The following CUBN variants were observed in gnomAD, a reference collection of about 807,000 sequenced individuals.
The protein encoded by CUBN is 460 kDa receptor.
A neutral mutation model predicts 405.3 loss-of-function variants in CUBN; 282 were observed. That is an observed-to-expected ratio of 0.70 (90% confidence interval 0.63 to 0.77). The LOEUF (loss-of-function observed/expected upper bound fraction) is 0.77. Ranked by LOEUF, CUBN falls within the 30% of genes least tolerant of loss-of-function variation. The pLI is 0.00. For synonymous variants in CUBN, 1,684 were observed against 1,617.0 expected, an observed-to-expected ratio of 1.04 and a Z score of -0.99; for missense variants, 4,514 against 4,475.2, an observed-to-expected ratio of 1.01 and a Z score of -0.25.
At chr10:17,116,996 A>G (rs1423252554) in intron 6 of CUBN, among the ~76,000 whole-genome samples, 5 of 152,186 alleles carry the variant, frequency 3.3e-5, no homozygotes, top group Admixed American at 3.3e-4. Flanking sequence ...TATTTACATA[A>G]AAGCTGATTC....
intron 48 of CUBN, among the ~76,000 whole-genome samples, chr10:16,908,688 G>C (rs1311795250): frequency 1.3e-5 from 2 of 152,050 alleles, no homozygotes; most frequent in Non-Finnish European, 2.9e-5. Context: ...GAATTTGCAT[G>C]ACTGGTTTTC....
At chr10:16,898,958 A>G (rs373151145) in intron 54 of CUBN, 38 bp downstream of exon 54, 52 of 1,498,134 alleles carry the variant, frequency 3.5e-5, no homozygotes, top group African/African-American at 2.6e-4. Context: ...TGTTCACAAA[A>G]CCAACTTGGC....
chr10:16,841,192 T>G (rs1839337653), intron 60 of CUBN, 145 bp from the exon 61 acceptor site: 1 of 694,122 alleles, frequency 1.4e-6, no homozygotes, highest in Non-Finnish European at 2.5e-6. Context: ...AGGAACAGAA[T>G]TATAATTGGA....
intron 31 of CUBN, among the ~76,000 whole-genome samples, chr10:16,977,796 G>A (rs181868672): frequency 1.7e-4 from 26 of 152,240 alleles, no homozygotes; most frequent in Non-Finnish European, 2.5e-4. Flanking sequence ...CACTCTCCCC[G>A]GCTCCTGCAC....
intron 17 of CUBN, among the ~76,000 whole-genome samples, chr10:17,077,809 T>C (rs1417967661): frequency 2.0e-5 from 3 of 152,212 alleles, no homozygotes; most frequent in Admixed American, 2.0e-4. Flanking sequence ...AGAAGCCATT[T>C]AGGATCTCAA....
chr10:17,053,994 T>C (rs1195445340), intron 22 of CUBN, among the ~76,000 whole-genome samples: 2 of 152,182 alleles, frequency 1.3e-5, no homozygotes, highest in South Asian at 2.1e-4. Context: ...CACAAGATAA[T>C]TGGAAAATAT....
intron 14 of CUBN, among the ~76,000 whole-genome samples, chr10:17,096,082 A>C (rs1836368039): frequency 6.6e-6 from 1 of 152,112 alleles, no homozygotes; most frequent in Non-Finnish European, 1.5e-5. Flanking sequence ...ATCTAAAAAA[A>C]GTTAAACTCA....
chr10:16,915,930 G>T lies in CUBN; in HGVS notation c.7101C>A (p.Leu2367=). ...TGAGATAGTGTCCAGAGAGCCCCTGGAGATGCCACTCACAGAATAAGTTGT... is the reference window on the plus strand; with the variant it reads ...TGAGATAGTGTCCAGAGAGCCCCTGTAGATGCCACTCACAGAATAAGTTGT... ...YRDNLFCEWH[L]QGLSGHYLTI... Residue 2367 remains leucine, a synonymous_variant, in exon 46 of 67, where the codon CTC becomes CTA. Coordinates refer to ENST00000377833, the MANE Select transcript of CUBN (RefSeq NM_001081.4). The T allele has an allele frequency of 1.2e-6, 2 of 1,614,142 alleles. No homozygotes were observed. The highest frequency in any genetic ancestry group is 1.7e-6 in the Non-Finnish European group (2 of 1,180,004).
chr10:16,856,669 G>A (rs1469682182), intron 59 of CUBN, among the ~76,000 whole-genome samples: 5 of 151,988 alleles, frequency 3.3e-5, no homozygotes, highest in South Asian at 2.1e-4. Context: ...CATTCTATAC[G>A]GCTGACATTT....
intron 7 of CUBN, among the ~76,000 whole-genome samples, chr10:17,115,078 T>C (rs1836860751): frequency 6.6e-6 from 1 of 151,938 alleles, no homozygotes; most frequent in African/African-American, 2.4e-5. Flanking sequence ...ACCCCGTCTC[T>C]ACTAAAAATA....
chr10:16,921,066 T>A (rs7906618), intron 43 of CUBN, among the ~76,000 whole-genome samples: 44,041 of 151,914 alleles, frequency 0.29, 6,713 homozygotes, highest in Non-Finnish European at 0.33. Flanking sequence ...CATTCATTCA[T>A]GGAAATTGAT....
chr10:16,851,619 C>T (rs558864101), intron 59 of CUBN, among the ~76,000 whole-genome samples, 176 bp from the exon 60 acceptor site: 6 of 149,964 alleles, frequency 4.0e-5, no homozygotes, highest in African/African-American at 1.5e-4. Context: ...TTTCTTTCTT[C>T]CTTCCCCCCA....
rs35736503 is a variant in CUBN, at chr10:16,908,872, C to CTT, written c.7534-1195_7534-1194dup. Among the ~76,000 whole-genome samples, 1,023 of 115,358 alleles carry CTT rather than the reference C, an allele frequency of 8.9e-3. 19 individuals carry two copies. Among genetic ancestry groups the CTT allele is most frequent in the South Asian group, 0.013 (44 of 3,458 alleles). 75.7% of individuals were successfully genotyped at this position (115,358 alleles called of 152,430 possible). A position where few individuals can be genotyped will look rare whatever the true frequency, so the allele number is the denominator to read the frequency against. ...CACTCCACAACAAAAGATGTCATCTCTTTTTTTTTTTTTTTTTTTTTGAGA... is the reference window on the plus strand; with the variant it reads ...CACTCCACAACAAAAGATGTCATCTCTTTTTTTTTTTTTTTTTTTTTTTGAGA... On this transcript the variant is annotated intron_variant, in intron 48 of 66. Coordinates refer to ENST00000377833, the MANE Select transcript of CUBN (RefSeq NM_001081.4).
intron 22 of CUBN, among the ~76,000 whole-genome samples, chr10:17,060,492 T>G (rs886343480): frequency 6.6e-6 from 1 of 152,214 alleles, no homozygotes; most frequent in African/African-American, 2.4e-5. Context: ...CAGAATATCA[T>G]GATTAAGCAT....
chr10:17,095,501 A>G (rs10795443), intron 14 of CUBN, among the ~76,000 whole-genome samples: 93,695 of 151,914 alleles, frequency 0.62, 30,219 homozygotes, highest in Non-Finnish European at 0.73. Flanking sequence ...ATATATGAGA[A>G]AATGCTCAAC....
intron 56 of CUBN, among the ~76,000 whole-genome samples, chr10:16,884,423 G>A (rs1191509619): frequency 6.6e-6 from 1 of 151,166 alleles, no homozygotes; most frequent in East Asian, 1.9e-4. Context: ...AGGGCTTCTA[G>A]TTGGCCACAT....
At chr10:17,053,733 CAGAG>C (rs1345338909) in intron 22 of CUBN, among the ~76,000 whole-genome samples, 1 of 152,098 alleles carries the variant, frequency 6.6e-6, no homozygotes, top group Admixed American at 6.6e-5. Context: ...AGCCAATTGA[CAGAG>C]AGCACTACAC....
intron 6 of CUBN, among the ~76,000 whole-genome samples, chr10:17,120,837 C>G (rs1427801396): frequency 6.6e-6 from 1 of 152,122 alleles, no homozygotes; most frequent in African/African-American, 2.4e-5. Flanking sequence ...CCACAAGACT[C>G]CAAAAGACAG....
Position 16,913,992 on chromosome 10 carries a change from T to G in CUBN, c.7352A>C (p.Glu2451Ala), listed in dbSNP as rs570365029. The G allele has an allele frequency of 6.2e-7, 1 of 1,613,854 alleles. No homozygotes were observed. Among genetic ancestry groups the G allele is most frequent in the Admixed American group, 1.7e-5 (1 of 60,008 alleles). Reference protein sequence around the residue: ...FRLRFESSMEECGGDLQGSIG... With the variant: ...FRLRFESSMEACGGDLQGSIG... ...AGAGCCCTGAAGATCCCCACCACAC[T>G]CTGACGTGGGGAAAAAGCCAAGAAA... The change falls in exon 48 of 67, where the codon GAG (glutamate) becomes GCG (alanine). Residue 2451 changes from glutamate (E) to alanine (A), a missense_variant and splice_region_variant. Physicochemically the swap from Glu to Ala is moderately radical, Grantham distance 107 (BLOSUM62 -1). Transcript: ENST00000377833.
Sources: allele counts gnomAD v4.1 joint callset (sites outside exome capture counted in the v4.1 genomes callset), GRCh38; gene constraint gnomAD v4.1.1; transcripts MANE v1.5; gene names NCBI Gene and HGNC (gene_info 2026-07-23, HGNC 2026-07-21).